The following POU2AF3 variants were observed in gnomAD, a reference collection of about 807,000 sequenced individuals.
POU2AF3 encodes the protein POU class 2 homeobox associating factor 3.
chr11:111,307,966 TA>T, the POU2AF3 span: 1 of 1,159,190 alleles, frequency 8.6e-7, no homozygotes, highest in Non-Finnish European at 1.2e-6. Flanking sequence ...TTTGGTTTTT[TA>T]CCCCTCATTT....
At chr11:111,304,811 G>A in the POU2AF3 span, 1 of 515,218 alleles carries the variant, frequency 1.9e-6, no homozygotes. Context: ...TTTCTGAGAA[G>A]GAAGAATCTG....
the POU2AF3 span, chr11:111,298,828 C>CGCG: frequency 2.4e-6 from 1 of 411,066 alleles, no homozygotes; most frequent in Non-Finnish European, 4.1e-6. Flanking sequence ...TACCCCAGGC[C>CGCG]CCCGCCCGCC....
chr11:111,299,587 C>T, the POU2AF3 span: 3 of 1,218,940 alleles, frequency 2.5e-6, no homozygotes, highest in Non-Finnish European at 3.1e-6. Flanking sequence ...CCCGGGGCGG[C>T]CCCTACCGAA....
chr11:111,301,940 A>G, the POU2AF3 span, among the ~76,000 whole-genome samples: 21 of 152,316 alleles, frequency 1.4e-4, no homozygotes, highest in African/African-American at 5.1e-4. Context: ...GCCAGCTGCA[A>G]TTTGGCATAT....
the POU2AF3 span, chr11:111,298,826 G>GGGGGGGGGGGGC: frequency 6.3e-5 from 50 of 790,934 alleles, no homozygotes; most frequent in Non-Finnish European, 7.9e-5. Context: ...CGTACCCCAG[G>GGGGGGGGGGGGC]CCCCCGCCCG....
At chr11:111,299,276 CG>C in the POU2AF3 span, 1 of 986,680 alleles carries the variant, frequency 1.0e-6, no homozygotes, top group Non-Finnish European at 1.2e-6. Flanking sequence ...CCAGGCTGAA[CG>C]CGCGGTCACC....
At chr11:111,306,461 TTG>T in the POU2AF3 span, 1 of 1,507,346 alleles carries the variant, frequency 6.6e-7, no homozygotes, top group Non-Finnish European at 8.9e-7. Flanking sequence ...AATTTTCCAG[TTG>T]TGTTTCATGT....
chr11:111,305,569 C>T, the POU2AF3 span, among the ~76,000 whole-genome samples: 12 of 152,276 alleles, frequency 7.9e-5, no homozygotes, highest in East Asian at 1.7e-3. Context: ...AATGTGTCAC[C>T]GTAGCTTCAC....
the POU2AF3 span, among the ~76,000 whole-genome samples, chr11:111,307,820 A>G: frequency 2.0e-5 from 3 of 152,350 alleles, no homozygotes; most frequent in Middle Eastern, 3.4e-3. Context: ...TAGGATTATA[A>G]CAAAGGAAGC....
the POU2AF3 span, chr11:111,299,761 G>C: frequency 2.5e-6 from 3 of 1,219,664 alleles, no homozygotes; most frequent in Admixed American, 4.2e-5. Context: ...AGTAGGAGCG[G>C]GGGCGAAGGA....
chr11:111,308,698 G>T, the POU2AF3 span: 1 of 298,872 alleles, frequency 3.3e-6, no homozygotes, highest in South Asian at 1.3e-4. Flanking sequence ...AACAAATGCT[G>T]TCTCCTTTTT....
chr11:111,298,702 C>A, the POU2AF3 span: 3 of 1,115,042 alleles, frequency 2.7e-6, no homozygotes, highest in South Asian at 4.6e-5. Context: ...TCAAGGCATG[C>A]GAGTAAGGGC....
At chr11:111,298,826 G>GGGGGGGGGGGC in the POU2AF3 span, 54 of 790,918 alleles carry the variant, frequency 6.8e-5, no homozygotes, top group Non-Finnish European at 8.8e-5. Context: ...CGTACCCCAG[G>GGGGGGGGGGGC]CCCCCGCCCG....
the POU2AF3 span, among the ~76,000 whole-genome samples, chr11:111,303,225 A>G: frequency 1.3e-5 from 2 of 151,368 alleles, no homozygotes; most frequent in African/African-American, 4.8e-5. Context: ...AGCCAGATCA[A>G]TTTGCAAACA....
chr11:111,306,506 T>C, the POU2AF3 span: 11 of 1,541,950 alleles, frequency 7.1e-6, no homozygotes, highest in African/African-American at 1.4e-4. Flanking sequence ...ACCAGATCTT[T>C]GATTCCTACC....
the POU2AF3 span, chr11:111,298,768 C>G: frequency 1.7e-6 from 2 of 1,143,218 alleles, no homozygotes; most frequent in Non-Finnish European, 2.2e-6. Context: ...CAGCGCCTGT[C>G]CCGGAGGGCA....
chr11:111,299,743 A>T, the POU2AF3 span: 41 of 1,229,140 alleles, frequency 3.3e-5, no homozygotes, highest in East Asian at 1.3e-3. Flanking sequence ...AGAGGGGAAG[A>T]AGGGGAGAGT....
chr11:111,299,518 C>T, the POU2AF3 span: 2 of 1,166,564 alleles, frequency 1.7e-6, no homozygotes, highest in Middle Eastern at 3.5e-4. Context: ...CAGCGAACCC[C>T]TCTTGAGCGC....
At chr11:111,298,826 G>GGGGGGGGCCCC in the POU2AF3 span, 12 of 790,956 alleles carry the variant, frequency 1.5e-5, no homozygotes, top group South Asian at 6.7e-5. Flanking sequence ...CGTACCCCAG[G>GGGGGGGGCCCC]CCCCCGCCCG....
Sources: gnomAD v4.1 joint callset for allele counts (sites outside exome capture counted in the v4.1 genomes callset) on GRCh38, gnomAD v4.1.1 for gene constraint, MANE v1.5 for transcripts, NCBI Gene and HGNC (gene_info 2026-07-23, HGNC 2026-07-21) for gene names.